The following REDIC1 variants were observed in gnomAD, a reference collection of about 807,000 sequenced individuals.
The protein encoded by REDIC1 is HEI10 Interacting Protein 1.
chr12:39,710,774 A>AT, the REDIC1 span, among the ~76,000 whole-genome samples: 1 of 151,762 alleles, frequency 6.6e-6, no homozygotes, highest in African/African-American at 2.4e-5. Context: ...AAACAAATGT[A>AT]TATCTTTCTC....
chr12:39,816,162 G>T, the REDIC1 span, among the ~76,000 whole-genome samples: 2 of 152,080 alleles, frequency 1.3e-5, no homozygotes, highest in Non-Finnish European at 2.9e-5. Context: ...TGAACTTGGG[G>T]TTTGTTTCTG....
the REDIC1 span, among the ~76,000 whole-genome samples, chr12:39,712,102 CTGTATATATA>C: frequency 3.7e-5 from 4 of 108,246 alleles, no homozygotes; most frequent in Admixed American, 3.7e-4. Flanking sequence ...ACATATATAC[CTGTATATATA>C]CCTGTATATA....
At chr12:39,695,399 A>G in the REDIC1 span, among the ~76,000 whole-genome samples, 13 of 152,112 alleles carry the variant, frequency 8.5e-5, no homozygotes, top group African/African-American at 3.1e-4. Context: ...CAGCCTAGGC[A>G]TCATTCACCA....
At chr12:39,748,251 A>C in the REDIC1 span, among the ~76,000 whole-genome samples, 4 of 151,788 alleles carry the variant, frequency 2.6e-5, no homozygotes, top group Admixed American at 2.6e-4. Context: ...AATGGAAAAT[A>C]AAAAAAGGCA....
the REDIC1 span, among the ~76,000 whole-genome samples, chr12:39,738,373 T>G: frequency 6.6e-6 from 1 of 152,186 alleles, no homozygotes; most frequent in Non-Finnish European, 1.5e-5. Flanking sequence ...CATTTACGAA[T>G]TAGACAAAGT....
the REDIC1 span, among the ~76,000 whole-genome samples, chr12:39,900,811 C>T: frequency 1.3e-5 from 2 of 152,206 alleles, no homozygotes; most frequent in African/African-American, 4.8e-5. Flanking sequence ...CTACCAATGA[C>T]TTTCTTCACA....
At chr12:39,899,356 T>A in the REDIC1 span, among the ~76,000 whole-genome samples, 1 of 152,224 alleles carries the variant, frequency 6.6e-6, no homozygotes, top group African/African-American at 2.4e-5. Flanking sequence ...TTGCATCTAT[T>A]TGATTCTCCT....
chr12:39,659,457 GT>G, the REDIC1 span, among the ~76,000 whole-genome samples: 1 of 151,786 alleles, frequency 6.6e-6, no homozygotes, highest in Non-Finnish European at 1.5e-5. Context: ...CTGGTGCTCT[GT>G]TTTTTCCAGT....
chr12:39,848,169 T>C, the REDIC1 span, among the ~76,000 whole-genome samples: 1 of 152,012 alleles, frequency 6.6e-6, no homozygotes, highest in Non-Finnish European at 1.5e-5. Context: ...AAAACAAAAA[T>C]TGACAAGTGG....
At chr12:39,689,084 G>C in the REDIC1 span, among the ~76,000 whole-genome samples, 1 of 152,192 alleles carries the variant, frequency 6.6e-6, no homozygotes, top group African/African-American at 2.4e-5. Flanking sequence ...CATATGGCTA[G>C]ATCTCACTAA....
At chr12:39,830,276 C>A in the REDIC1 span, 2 of 1,593,012 alleles carry the variant, frequency 1.3e-6, no homozygotes, top group Non-Finnish European at 8.6e-7. Context: ...ACAACTGGTG[C>A]TCACCATATA....
the REDIC1 span, among the ~76,000 whole-genome samples, chr12:39,780,930 C>T: frequency 1.3e-5 from 2 of 152,098 alleles, no homozygotes; most frequent in Non-Finnish European, 2.9e-5. Flanking sequence ...AGAACTTGTG[C>T]CATTAGTTAC....
At chr12:39,783,443 C>G in the REDIC1 span, among the ~76,000 whole-genome samples, 1 of 152,170 alleles carries the variant, frequency 6.6e-6, no homozygotes, top group Non-Finnish European at 1.5e-5. Context: ...GAGGAATCAC[C>G]ACACTGTCTT....
chr12:39,798,185 C>T, the REDIC1 span, among the ~76,000 whole-genome samples: 1 of 152,176 alleles, frequency 6.6e-6, no homozygotes, highest in Non-Finnish European at 1.5e-5. Flanking sequence ...CCAGCATTAA[C>T]CTGCCAGGCA....
the REDIC1 span, among the ~76,000 whole-genome samples, chr12:39,889,490 G>T: frequency 6.7e-6 from 1 of 149,778 alleles, no homozygotes; most frequent in Non-Finnish European, 1.5e-5. Flanking sequence ...TACAGAGAAA[G>T]TGAGTAGAGG....
the REDIC1 span, chr12:39,647,759 G>T: frequency 7.5e-6 from 10 of 1,333,858 alleles, no homozygotes; most frequent in South Asian, 3.5e-5. Flanking sequence ...ATATATTTTG[G>T]TAATGTAAAT....
At chr12:39,693,367 T>C in the REDIC1 span, among the ~76,000 whole-genome samples, 1 of 152,048 alleles carries the variant, frequency 6.6e-6, no homozygotes, top group Non-Finnish European at 1.5e-5. Flanking sequence ...AATACTAGTC[T>C]GGTTTCTATC....
At chr12:39,826,941 A>T in the REDIC1 span, among the ~76,000 whole-genome samples, 1 of 130,334 alleles carries the variant, frequency 7.7e-6, no homozygotes, top group Non-Finnish European at 1.5e-5. Context: ...GCCTCCAATA[A>T]TTGGTGTCGT....
At chr12:39,793,400 A>G in the REDIC1 span, among the ~76,000 whole-genome samples, 1 of 152,110 alleles carries the variant, frequency 6.6e-6, no homozygotes, top group East Asian at 1.9e-4. Flanking sequence ...TTCATCCCAA[A>G]TTGATCTATA....
Sources: allele counts gnomAD v4.1 joint callset (sites outside exome capture counted in the v4.1 genomes callset), GRCh38; gene constraint gnomAD v4.1.1; transcripts MANE v1.5; gene names NCBI Gene and HGNC (gene_info 2026-07-23, HGNC 2026-07-21).